CELF2: variants seen among roughly 807,000 people sequenced by gnomAD.
CELF2 encodes CUGBP Elav-like family member 2.
A neutral mutation model predicts 62.6 loss-of-function variants in CELF2; 8 were observed. That is an observed-to-expected ratio of 0.13 (90% CI 0.07 to 0.23). The LOEUF is 0.23. CELF2 is among the 10% of genes least tolerant of loss of function. The pLI is 1.00. For missense variants in CELF2, 333 were observed against 671.0 expected (o/e 0.50, Z 5.56); for synonymous variants, 258 against 250.0 (o/e 1.03, Z -0.30).
At chr10:10,720,076 T>C in the CELF2 span, among the ~76,000 whole-genome samples, 29 of 152,306 alleles carry the variant, frequency 1.9e-4, no homozygotes, top group East Asian at 2.3e-3. Flanking sequence ...CTGCGTTTCA[T>C]GAGGAGAGGA....
chr10:10,580,609 T>C, the CELF2 span, among the ~76,000 whole-genome samples: 1 of 152,208 alleles, frequency 6.6e-6, no homozygotes, highest in Non-Finnish European at 1.5e-5. Flanking sequence ...AACAGAATGA[T>C]TGAAACCCAC....
the CELF2 span, among the ~76,000 whole-genome samples, chr10:10,766,266 G>T: frequency 6.6e-6 from 1 of 152,318 alleles, no homozygotes; most frequent in South Asian, 2.1e-4. Context: ...TGCCTTAGCT[G>T]AGTCCTTCAC....
the CELF2 span, among the ~76,000 whole-genome samples, chr10:10,523,425 C>T: frequency 1.3e-5 from 2 of 152,166 alleles, no homozygotes; most frequent in Admixed American, 6.5e-5. Context: ...ATTGTATTAA[C>T]AGTCAGGAGG....
chr10:10,962,486 G>A (rs1247059180), intron 2 of CELF2, among the ~76,000 whole-genome samples: 1 of 152,206 alleles, frequency 6.6e-6, no homozygotes, highest in Non-Finnish European at 1.5e-5. Flanking sequence ...ACTTTGGGAG[G>A]CCAAGGCTGG....
intron 1 of CELF2, among the ~76,000 whole-genome samples, chr10:10,814,034 A>T (rs2056196233): frequency 1.3e-5 from 2 of 152,086 alleles, no homozygotes; most frequent in South Asian, 4.1e-4. Context: ...GGATATATTG[A>T]GGCCAAACAA....
the CELF2 span, among the ~76,000 whole-genome samples, chr10:10,750,228 G>A: frequency 6.6e-6 from 1 of 151,538 alleles, no homozygotes; most frequent in African/African-American, 2.4e-5. Flanking sequence ...GTTGGAGTGA[G>A]CCGAGATTGC....
At chr10:10,566,703 C>T in the CELF2 span, among the ~76,000 whole-genome samples, 1 of 151,778 alleles carries the variant, frequency 6.6e-6, no homozygotes, top group Admixed American at 6.6e-5. Flanking sequence ...CTTTTATAAA[C>T]CCTCAGGTTG....
At chr10:10,703,245 T>C in the CELF2 span, among the ~76,000 whole-genome samples, 2 of 152,180 alleles carry the variant, frequency 1.3e-5, no homozygotes, top group Non-Finnish European at 2.9e-5. Flanking sequence ...TATAGAGTTG[T>C]AATTGTCTGC....
chr10:10,850,248 C>T (rs59646916), intron 1 of CELF2, among the ~76,000 whole-genome samples: 4,295 of 152,290 alleles, frequency 0.028, 119 homozygotes, highest in Middle Eastern at 0.065. Context: ...TAGACAGCAA[C>T]ACTCTGAAAT....
rs993170960 is a variant in CELF2 at position 11,297,276 on chromosome 10, G to A, written c.976+8724G>A. On this transcript the variant is annotated intron_variant, in intron 9 of 12. Coordinates refer to ENST00000633077, the MANE Select transcript of CELF2 (RefSeq NM_001326342.2). This position sits in a 1 kb window ranked among gnomAD's most constrained non-coding sequence, Gnocchi z 4.4. ...GAAATGTGTCCAGCAGCAGTTGGAT[G>A]TGTGACCATCAGGCTGACCAGAGCC... Among the ~76,000 whole-genome samples the A allele has an allele frequency of 5.9e-5, 9 of 152,218 alleles. No homozygotes were observed. The highest frequency in any genetic ancestry group is 2.6e-4 in the Admixed American group (4 of 15,288).
chr10:11,083,859 C>G (rs944687595), intron 1 of CELF2, among the ~76,000 whole-genome samples: 1 of 152,120 alleles, frequency 6.6e-6, no homozygotes, highest in Non-Finnish European at 1.5e-5. Flanking sequence ...AGAAAGTGTA[C>G]GGAGAGGGCC....
the CELF2 span, among the ~76,000 whole-genome samples, chr10:10,735,624 C>T: frequency 6.6e-6 from 1 of 152,282 alleles, no homozygotes; most frequent in East Asian, 1.9e-4. Context: ...CAATGAATTT[C>T]CTCAATAATT....
chr10:10,568,131 C>A, the CELF2 span, among the ~76,000 whole-genome samples: 1 of 152,094 alleles, frequency 6.6e-6, no homozygotes, highest in Non-Finnish European at 1.5e-5. Flanking sequence ...AAATAGAGTC[C>A]TTTCAAGTAG....
At chr10:11,206,389 A>G (rs1255019095) in intron 2 of CELF2, among the ~76,000 whole-genome samples, 4 of 152,258 alleles carry the variant, frequency 2.6e-5, no homozygotes, top group Admixed American at 2.6e-4. Flanking sequence ...AATCTATACT[A>G]TGAAATAACC....
chr10:10,690,484 A>G, the CELF2 span, among the ~76,000 whole-genome samples: 1 of 152,220 alleles, frequency 6.6e-6, no homozygotes, highest in Non-Finnish European at 1.5e-5. Context: ...ATAAAAGTAC[A>G]GAATGAAGGC....
intron 1 of CELF2, among the ~76,000 whole-genome samples, chr10:11,138,296 A>T (rs1318205847): frequency 6.6e-6 from 1 of 152,184 alleles, no homozygotes; most frequent in African/African-American, 2.4e-5. Flanking sequence ...AAACTGAGAC[A>T]CGTAAATGGA....
chr10:10,997,293 C>T lies in CELF2; in HGVS notation c.89+77294C>T, dbSNP rs189171803. Among the ~76,000 whole-genome samples, 176 of 152,320 alleles carry T rather than the reference C, an allele frequency of 1.2e-3. 1 individual carries two copies. Among genetic ancestry groups the T allele is most frequent in the Admixed American group, 7.0e-3 (107 of 15,298 alleles). On this transcript the variant is annotated intron_variant, in intron 2 of 13. Coordinates refer to the CELF2 transcript ENST00000636488. The surrounding 1 kb of genome is among the most constrained non-coding windows in gnomAD (Gnocchi z 5.3). ...CTCTAGCCTGAGCAACAGAGCAAGA[C>T]ACCATCTCTGAAAAAGTATAAAAAA...
the CELF2 span, among the ~76,000 whole-genome samples, chr10:10,587,176 A>G: frequency 2.0e-5 from 3 of 152,206 alleles, no homozygotes; most frequent in Non-Finnish European, 2.9e-5. Flanking sequence ...CACATCACCA[A>G]GTAGAAGGAG....
chr10:11,018,134 C>G lies in CELF2; in HGVS notation c.45C>G (p.Val15=), dbSNP rs1225999670. The change falls in exon 1 of 13, where the codon GTC becomes GTG. Residue 15 remains valine (V), a synonymous_variant. Transcript: ENST00000633077. ...FKLDFLPDMM[V]EGRLLVPDRI... ...TGGATTTCCTCCCGGACATGATGGT[C>G]GAGGGCCGCCTGCTCGTTCCTGACA... 2 of 1,522,790 alleles carry G rather than the reference C, an allele frequency of 1.3e-6. No individual in the cohort carries two copies. Among genetic ancestry groups the G allele is most frequent in the African/African-American group, 1.4e-5 (1 of 69,192 alleles). The allele number at this position is 1,522,790 out of a possible 1,614,324, so 94.3% of individuals were successfully genotyped here.
Sources: allele counts gnomAD v4.1 joint callset (sites outside exome capture counted in the v4.1 genomes callset), GRCh38; gene constraint gnomAD v4.1.1; non-coding constraint Gnocchi (gnomAD v3.1); transcripts MANE v1.5; gene names NCBI Gene and HGNC (gene_info 2026-07-23, HGNC 2026-07-21).